STIL: variants seen among roughly 807,000 people sequenced by gnomAD.
The protein encoded by STIL is STIL centriolar assembly protein.
Under a neutral mutation model 110.1 loss-of-function variants are expected in STIL, and 55 were observed. The ratio of observed to expected loss-of-function variants is 0.50; its 90% CI spans 0.40 to 0.63. The LOEUF (loss-of-function observed/expected upper bound fraction) is 0.63. Among genes scored for constraint, STIL ranks in the 20% least tolerant of loss-of-function variants. STIL has a pLI of 0.00. For synonymous variants in STIL, 481 were observed against 530.0 expected (o/e 0.91, Z 1.27); for missense variants, 1,358 against 1,530.0 (o/e 0.89, Z 1.87).
At chr1:47,276,625 T>C (rs1644999680) in intron 12 of STIL, among the ~76,000 whole-genome samples, 1 of 151,528 alleles carries the variant, frequency 6.6e-6, no homozygotes, top group African/African-American at 2.4e-5. Context: ...CTGGCCAACA[T>C]GGTGAAACCC....
Position 47,265,237 on chromosome 1 carries a change from C to CAAAAAAAAAAAAAAA in STIL, c.2616-2136_2616-2122dup, listed in dbSNP as rs61666574. On this transcript the variant is annotated intron_variant, in intron 14 of 16. Transcript: ENST00000371877. ...AGCAACAGAGCAACACTCCATCTCC[C>CAAAAAAAAAAAAAAA]AAAAAAAAAAAAAAAAAAAAAAACA... is the stretch of plus-strand genomic sequence containing the variant. 9.1e-4 allele frequency among the ~76,000 whole-genome samples: 47 copies of CAAAAAAAAAAAAAAA among 51,630 alleles called. 4 individuals carry two copies. Among genetic ancestry groups the CAAAAAAAAAAAAAAA allele is most frequent in the East Asian group, 8.0e-3 (17 of 2,136 alleles). The allele number at this position is 51,630 out of a possible 152,430, so 33.9% of individuals were successfully genotyped here. A position where few individuals can be genotyped will look rare whatever the true frequency, so the allele number is the denominator to read the frequency against.
chr1:47,280,796 T>C lies in STIL; in HGVS notation c.1662A>G (p.Arg554=). 1 of 1,614,020 alleles carries C rather than the reference T, an allele frequency of 6.2e-7. No homozygotes were observed. Among genetic ancestry groups the C allele is most frequent in the Non-Finnish European group, 8.5e-7 (1 of 1,180,000 alleles). ...GNVQNEEYPI[R]PSTLNSRQSS... is the part of the protein sequence containing the mutation. ...ACTGCCTAGAATTAAGTGTGGAGGGTCTTATAGGATACTCTTCGTTTTGTA... is the reference window on the plus strand; with the variant it reads ...ACTGCCTAGAATTAAGTGTGGAGGGCCTTATAGGATACTCTTCGTTTTGTA... Residue 554 remains arginine (R), a synonymous_variant, in exon 12 of 17, where the codon AGA becomes AGG. Transcript: ENST00000371877.
chr1:47,272,584 G>GGATGA (rs1302862949), intron 12 of STIL, among the ~76,000 whole-genome samples: 1 of 151,728 alleles, frequency 6.6e-6, no homozygotes, highest in Non-Finnish European at 1.5e-5. Context: ...GGGGTGGCTG[G>GGATGA]GATGACAGCC....
chr1:47,288,892 C>CAAAAAAAAAAAAA (rs138649605), intron 9 of STIL, among the ~76,000 whole-genome samples: 1 of 94,784 alleles, frequency 1.1e-5, no homozygotes. Context: ...AATGAAAATA[C>CAAAAAAAAAAAAA]AAAAAAAAAA....
Position 47,250,595 on chromosome 1 carries a change from G to A in STIL, c.*541C>T, listed in dbSNP as rs1382799079. ...AGCACTTTAGGAGGCCGAGGCGGGC[G>A]GATCACCTGAGGTCGGGAGTTTGAG... On this transcript the variant is annotated 3_prime_UTR_variant, in exon 17 of 17. Transcript: ENST00000371877. 3.2e-5 allele frequency: 5 copies of A among 158,684 alleles called. No individual in the cohort carries two copies. The highest frequency in any genetic ancestry group is 1.9e-4 in the Admixed American group (3 of 15,566). 9.8% of individuals were successfully genotyped at this position (158,684 alleles called of 1,614,324 possible).
At chr1:47,313,525 A>C (rs1026644268) in intron 1 of STIL, among the ~76,000 whole-genome samples, 3 of 151,998 alleles carry the variant, frequency 2.0e-5, no homozygotes, top group African/African-American at 7.3e-5. Flanking sequence ...TTAACTTGGA[A>C]TGCCCTAGTA....
In STIL at chr1:47,289,628, CATG is replaced by C. The variant is rs754074714; in HGVS notation, c.873-46_873-44del. ...TTTAATTAAAATTTAATGAGGATAA[CATG>C]ATGACACTCAAATAACTTCATGTGA... On this transcript the variant is annotated intron_variant, in intron 8 of 16. Transcript: ENST00000371877. 7.2e-6 allele frequency: 11 copies of C among 1,525,218 alleles called. No individual in the cohort carries two copies. The South Asian group carries it at 1.2e-4, about 17-fold the overall frequency. The allele number at this position is 1,525,218 out of a possible 1,614,324, so 94.5% of individuals were successfully genotyped here.
chr1:47,311,622 G>C (rs1646129064), intron 1 of STIL, among the ~76,000 whole-genome samples: 1 of 152,220 alleles, frequency 6.6e-6, no homozygotes, highest in African/African-American at 2.4e-5. Context: ...CCACTGGACA[G>C]TTCCATCTAA....
chr1:47,259,261 C>G (rs908878049), intron 16 of STIL, among the ~76,000 whole-genome samples: 3 of 141,838 alleles, frequency 2.1e-5, no homozygotes, highest in African/African-American at 7.9e-5. Flanking sequence ...GCTGGGATTA[C>G]AGGTGTGAGG....
chr1:47,295,879 T>G lies in STIL; in HGVS notation c.702-31A>C. 3.4e-6 allele frequency: 5 copies of G among 1,487,288 alleles called. No individual in the cohort carries two copies. In the South Asian group the frequency reaches 5.7e-5, roughly 17 times the overall value. 92.1% of individuals were successfully genotyped at this position (1,487,288 alleles called of 1,614,324 possible). ...CAGAAGACATTCATGTGAAAATAAC[T>G]GAAATTATGTACTTTTTACCTAAAA... On this transcript the variant is annotated intron_variant, in intron 6 of 16. Transcript: ENST00000371877.
At chr1:47,305,183 T>C in intron 2 of STIL, 187 bp from the exon 3 acceptor site, 2 of 526,116 alleles carry the variant, frequency 3.8e-6, no homozygotes, top group Non-Finnish European at 6.7e-6. Flanking sequence ...TGGAGTGCAG[T>C]GGCGTGATCT....
rs886046394 is a variant in STIL, at chr1:47,314,080, G to A, written c.-88C>T. On this transcript the variant is annotated 5_prime_UTR_variant, in exon 1 of 17. Coordinates refer to ENST00000371877, the MANE Select transcript of STIL (RefSeq NM_001048166.1). Reference sequence around the variant, plus strand: ...AGGTCTGTTTGCAGGGTAGGAGCGGGAGCCGGCTCCAAGGAGCGCCACCGC... The same window carrying A: ...AGGTCTGTTTGCAGGGTAGGAGCGGAAGCCGGCTCCAAGGAGCGCCACCGC... 1 of 152,276 alleles carries A rather than the reference G, an allele frequency of 6.6e-6. No homozygotes were observed. Among genetic ancestry groups the A allele is most frequent in the Non-Finnish European group, 1.5e-5 (1 of 68,058 alleles). The allele number at this position is 152,276 out of a possible 1,614,324, so 9.4% of individuals were successfully genotyped here.
In STIL at chr1:47,259,047, C is replaced by T. The variant is rs564803485; in HGVS notation, c.3080+1242G>A. Among the ~76,000 whole-genome samples the T allele has an allele frequency of 1.6e-4, 20 of 128,296 alleles. No individual in the cohort carries two copies. The South Asian group carries it at 3.2e-3, about 21-fold the overall frequency. The allele number at this position is 128,296 out of a possible 152,430, so 84.2% of individuals were successfully genotyped here. A position where few individuals can be genotyped will look rare whatever the true frequency, so the allele number is the denominator to read the frequency against. On this transcript the variant is annotated intron_variant, in intron 16 of 16. Coordinates refer to ENST00000371877, the MANE Select transcript of STIL (RefSeq NM_001048166.1). ...TGCTATCCAAGCTGGAGTGCAGTGG[C>T]GCAATCTCGGCTCACTGCAAGCTCT... is the stretch of plus-strand genomic sequence containing the variant.
At position 47,255,120 on chromosome 1, in the gene STIL, C is replaced by T. The variant is rs138375728; in HGVS notation, c.3081-3198G>A. ...GCCACCCTAGGCAAAATAGAGACCACATCACTAAAAAAAAAATCAATAATA... is the reference window on the plus strand; with the variant it reads ...GCCACCCTAGGCAAAATAGAGACCATATCACTAAAAAAAAAATCAATAATA... On this transcript the variant is annotated intron_variant, in intron 16 of 16. Coordinates refer to ENST00000371877, the MANE Select transcript of STIL (RefSeq NM_001048166.1). Among the ~76,000 whole-genome samples the T allele has an allele frequency of 7.8e-3, 1,181 of 151,210 alleles. 16 individuals carry two copies. The highest frequency in any genetic ancestry group is 0.027 in the African/African-American group (1,127 of 41,354).
intron 14 of STIL, among the ~76,000 whole-genome samples, chr1:47,265,480 CT>C (rs925453596): frequency 2.0e-5 from 3 of 151,272 alleles, no homozygotes; most frequent in African/African-American, 7.3e-5. Flanking sequence ...TTTTTAATTA[CT>C]TTTTTTGAAA....
intron 14 of STIL, among the ~76,000 whole-genome samples, chr1:47,263,438 A>T (rs1644539461): frequency 6.6e-6 from 1 of 152,216 alleles, no homozygotes; most frequent in Admixed American, 6.5e-5. Flanking sequence ...CTAGCTGCTC[A>T]GGAGGCTGAG....
chr1:47,302,402 T>G, intron 3 of STIL, 56 bp from the exon 4 acceptor site: 2 of 1,253,184 alleles, frequency 1.6e-6, no homozygotes, highest in Non-Finnish European at 2.3e-6. Flanking sequence ...TAAAAAAACC[T>G]CCTGCCATAA....
intron 5 of STIL, 95 bp from the exon 6 acceptor site, chr1:47,300,247 T>A: frequency 8.3e-7 from 1 of 1,204,962 alleles, no homozygotes; most frequent in Non-Finnish European, 1.2e-6. Context: ...ATATATAATA[T>A]CTTGCACAAA....
chr1:47,265,840 G>A (rs1300305801), intron 14 of STIL, among the ~76,000 whole-genome samples: 1 of 149,634 alleles, frequency 6.7e-6, no homozygotes, highest in Non-Finnish European at 1.5e-5. Flanking sequence ...AGGCTGGAGT[G>A]CAGTGGCGTG....
Sources: allele counts gnomAD v4.1 joint callset (sites outside exome capture counted in the v4.1 genomes callset), GRCh38; gene constraint gnomAD v4.1.1; transcripts MANE v1.5; gene names NCBI Gene and HGNC (gene_info 2026-07-23, HGNC 2026-07-21).